Variants in HMGA2 observed in about 807,000 individuals in gnomAD.
HMGA2 encodes the protein high mobility group AT-hook 2, also known as high mobility group protein HMGI-C.
In HMGA2, 8 loss-of-function variants were observed where a neutral mutation model predicts 19.1. That is an observed-to-expected ratio of 0.42 (90% CI 0.25 to 0.76). HMGA2 has a LOEUF of 0.76. HMGA2 is among the 30% of genes least tolerant of loss of function. The pLI is 0.28. For synonymous variants in HMGA2, 60 were observed against 48.8 expected, an observed-to-expected ratio of 1.23 and a Z score of -0.96; for missense variants, 109 against 136.3, an observed-to-expected ratio of 0.80 and a Z score of 1.00.
At chr12:65,963,112 C>T (rs543237662) in intron 4 of HMGA2, 133 bp from the exon 5 acceptor site, 5 of 778,370 alleles carry the variant, frequency 6.4e-6, no homozygotes, top group Middle Eastern at 3.3e-4. Flanking sequence ...AATGAGGGCT[C>T]GCCAGTCATC....
At position 65,911,659 on chromosome 12, in the gene HMGA2, C is replaced by T. The variant is rs775496597; in HGVS notation, c.250-39724C>T. ...AAAGCCAATCCTCCTAATGAGCATTCGGTCATTAGAATTTTCATCAATACC... is the reference window on the plus strand; with the variant it reads ...AAAGCCAATCCTCCTAATGAGCATTTGGTCATTAGAATTTTCATCAATACC... On this transcript the variant is annotated intron_variant, in intron 3 of 4. Transcript: ENST00000403681. 7.9e-5 allele frequency among the ~76,000 whole-genome samples: 12 copies of T among 152,274 alleles called. No individual in the cohort carries two copies. The East Asian group carries it at 1.2e-3, about 15-fold the overall frequency.
Position 65,888,712 on chromosome 12 carries a change from C to T in HMGA2, c.249+50143C>T, listed in dbSNP as rs560957635. Among the ~76,000 whole-genome samples, 338 of 150,790 alleles carry T rather than the reference C, an allele frequency of 2.2e-3. 1 individual carries two copies. Among genetic ancestry groups the T allele is most frequent in the Non-Finnish European group, 3.0e-3 (204 of 67,626 alleles). On this transcript the variant is annotated intron_variant, in intron 3 of 4. Transcript: ENST00000403681. ...CTGAGTAGCTGGGACTACAGGCGCC[C>T]GCCACCACGCCCGGCTAACTTTTTG...
At chr12:65,961,589 A>G (rs1004801908) in intron 4 of HMGA2, among the ~76,000 whole-genome samples, 3 of 152,216 alleles carry the variant, frequency 2.0e-5, no homozygotes, top group African/African-American at 7.2e-5. Context: ...TGCCGTGGTT[A>G]TATTTTTCAA....
intron 3 of HMGA2, among the ~76,000 whole-genome samples, chr12:65,922,073 C>T (rs931812714): frequency 4.6e-5 from 7 of 152,186 alleles, no homozygotes; most frequent in Non-Finnish European, 1.0e-4. Context: ...GAATGGCTCT[C>T]GTGAAGAACC....
intron 3 of HMGA2, among the ~76,000 whole-genome samples, chr12:65,923,413 C>G (rs1565733729): frequency 6.6e-6 from 1 of 152,186 alleles, no homozygotes; most frequent in Non-Finnish European, 1.5e-5. Context: ...TGAAGGAACA[C>G]TCACCACCCA....
intron 3 of HMGA2, chr12:65,842,440 T>C: frequency 1.5e-6 from 1 of 671,658 alleles, no homozygotes; most frequent in African/African-American, 1.8e-5. Flanking sequence ...TAGTTACACA[T>C]AGAATGAAGT....
chr12:65,912,927 A>G (rs953619707), intron 3 of HMGA2, among the ~76,000 whole-genome samples: 1 of 152,200 alleles, frequency 6.6e-6, no homozygotes, highest in African/African-American at 2.4e-5. Context: ...TAGGGTTGAC[A>G]AAAACTCTCA....
At chr12:65,893,979 A>G (rs1220992477) in intron 3 of HMGA2, among the ~76,000 whole-genome samples, 1 of 152,224 alleles carries the variant, frequency 6.6e-6, no homozygotes. Flanking sequence ...CTTTAGTACT[A>G]TAAAGAAATG....
Position 65,825,257 on chromosome 12 carries a change from C to T in HMGA2, c.-14C>T, listed in dbSNP as rs1327314772. 6 of 1,523,864 alleles carry T rather than the reference C, an allele frequency of 3.9e-6. No individual in the cohort carries two copies. In the African/African-American group the frequency reaches 5.6e-5, roughly 14 times the overall value. The allele number at this position is 1,523,864 out of a possible 1,614,324, so 94.4% of individuals were successfully genotyped here. On this transcript the variant is annotated 5_prime_UTR_variant, in exon 1 of 5. Transcript: ENST00000403681. This position sits in a 1 kb window ranked among gnomAD's most constrained non-coding sequence, Gnocchi z 4.4. ...GAAGCGGCTGCAGCGGCGGTAGCGG[C>T]GGCGGGAGGCAGGATGAGCGCACGC... is the stretch of plus-strand genomic sequence containing the variant.
At chr12:65,921,875 C>T (rs369276245) in intron 3 of HMGA2, among the ~76,000 whole-genome samples, 2 of 152,340 alleles carry the variant, frequency 1.3e-5, no homozygotes, top group East Asian at 3.9e-4. Flanking sequence ...CCAGCTGTGG[C>T]TGCAAGGAAC....
intron 3 of HMGA2, among the ~76,000 whole-genome samples, chr12:65,933,330 G>GT (rs1173548818): frequency 6.6e-6 from 1 of 152,036 alleles, no homozygotes; most frequent in East Asian, 1.9e-4. Context: ...ATGAAAGTTT[G>GT]TTTTTTATTA....
intron 3 of HMGA2, among the ~76,000 whole-genome samples, chr12:65,845,641 A>G (rs1321973746): frequency 2.0e-5 from 3 of 152,104 alleles, no homozygotes; most frequent in Non-Finnish European, 2.9e-5. Context: ...ACATTTAAAC[A>G]TTTTTGACAA....
rs1876831219 is a variant in HMGA2, at chr12:65,963,994, A to G, written c.*702A>G. On this transcript the variant is annotated 3_prime_UTR_variant, in exon 5 of 5. Transcript: ENST00000403681. ...GCAAACAAATATTGCCAACTCTTCT[A>G]TTTATGGATATCACACATATCAGCA... 4.8e-6 allele frequency: 1 copy of G among 208,074 alleles called. No individual in the cohort carries two copies. Among genetic ancestry groups the G allele is most frequent in the Non-Finnish European group, 9.8e-6 (1 of 101,984 alleles). 12.9% of individuals were successfully genotyped at this position (208,074 alleles called of 1,614,324 possible). A position where few individuals can be genotyped will look rare whatever the true frequency, so the allele number is the denominator to read the frequency against.
chr12:65,950,986 T>C (rs2121312312), intron 3 of HMGA2, among the ~76,000 whole-genome samples: 1 of 152,244 alleles, frequency 6.6e-6, no homozygotes, highest in East Asian at 1.9e-4. Context: ...TGGAGTGCAG[T>C]GGCATGATCA....
intron 3 of HMGA2, among the ~76,000 whole-genome samples, chr12:65,863,683 G>A (rs1872231814): frequency 1.3e-5 from 2 of 152,228 alleles, no homozygotes; most frequent in African/African-American, 4.8e-5. Context: ...CCCATGGACA[G>A]GATCTTGGAG....
intron 3 of HMGA2, among the ~76,000 whole-genome samples, chr12:65,921,815 C>T (rs1438918556): frequency 2.0e-5 from 3 of 152,206 alleles, no homozygotes; most frequent in African/African-American, 7.2e-5. Context: ...GGCCCAGGGT[C>T]CCCATGCTGT....
rs922962694 is a variant in HMGA2 at position 65,964,899 on chromosome 12, C to T, written c.*1607C>T. 3 of 190,156 alleles carry T rather than the reference C, an allele frequency of 1.6e-5. No individual in the cohort carries two copies. The highest frequency in any genetic ancestry group is 7.0e-5 in the African/African-American group (3 of 42,840). The allele number at this position is 190,156 out of a possible 1,614,324, so 11.8% of individuals were successfully genotyped here. On this transcript the variant is annotated 3_prime_UTR_variant, in exon 5 of 5. Transcript: ENST00000403681. ...TTTGACTGTAATATTTAAATATTAC[C>T]CTCCAAGTCTGTACCTCAAATGAAT...
At chr12:65,878,792 C>T (rs929183244) in intron 3 of HMGA2, among the ~76,000 whole-genome samples, 4 of 152,180 alleles carry the variant, frequency 2.6e-5, no homozygotes, top group Non-Finnish European at 4.4e-5. Context: ...GGTGAGATGG[C>T]TCAGCTGATA....
At chr12:65,927,239 A>G (rs1875540024) in intron 3 of HMGA2, among the ~76,000 whole-genome samples, 1 of 152,270 alleles carries the variant, frequency 6.6e-6, no homozygotes, top group African/African-American at 2.4e-5. Context: ...TAGGAACTGA[A>G]TTTATTCCCT....
Sources: gnomAD v4.1 joint callset for allele counts (sites outside exome capture counted in the v4.1 genomes callset) on GRCh38, gnomAD v4.1.1 for gene constraint, Gnocchi (gnomAD v3.1) non-coding constraint, MANE v1.5 for transcripts, NCBI Gene and HGNC (gene_info 2026-07-23, HGNC 2026-07-21) for gene names.